The following NYAP2 variants were observed in gnomAD, a reference collection of about 807,000 sequenced individuals.
NYAP2 encodes neuronal tyrosine-phosphorylated phosphoinositide-3-kinase adapter 2.
In NYAP2, 23 loss-of-function variants were observed where a neutral mutation model predicts 50.4. That is an observed-to-expected ratio of 0.46 (90% CI 0.33 to 0.65). The LOEUF (loss-of-function observed/expected upper bound fraction) is 0.65, where lower values mean the gene tolerates loss of function less well. Among genes scored for constraint, NYAP2 ranks in the 30% least tolerant of loss-of-function variants. The pLI is 0.02. For synonymous variants in NYAP2, 394 were observed against 365.2 expected (o/e 1.08, Z -0.90); for missense variants, 885 against 861.0 (o/e 1.03, Z -0.35).
chr2:225,658,513 T>C (rs938146238), downstream of NYAP2, among the ~76,000 whole-genome samples: 1 of 152,234 alleles, frequency 6.6e-6, no homozygotes, highest in African/African-American at 2.4e-5. Context: ...AAATGTGGAA[T>C]AAATTCATGT....
chr2:225,547,244 G>C (rs1470216283), intron 4 of NYAP2, among the ~76,000 whole-genome samples: 1 of 152,106 alleles, frequency 6.6e-6, no homozygotes, highest in Non-Finnish European at 1.5e-5. Flanking sequence ...TGCCCTGAAG[G>C]GTGAGTCCCA....
intron 5 of NYAP2, among the ~76,000 whole-genome samples, chr2:225,601,572 T>G (rs960196783): frequency 6.6e-5 from 10 of 152,218 alleles, no homozygotes; most frequent in African/African-American, 2.4e-4. Context: ...TTTTGTTTTA[T>G]TTTGTAAATA....
At chr2:225,514,349 G>T (rs569161663) in intron 4 of NYAP2, among the ~76,000 whole-genome samples, 1 of 152,308 alleles carries the variant, frequency 6.6e-6, no homozygotes, top group African/African-American at 2.4e-5. Flanking sequence ...GAATTCCATG[G>T]TGGGAAAGTA....
chr2:225,508,209 T>A (rs1690744889), intron 3 of NYAP2, among the ~76,000 whole-genome samples: 2 of 152,226 alleles, frequency 1.3e-5, no homozygotes, highest in African/African-American at 4.8e-5. Flanking sequence ...TCAGGCTTAA[T>A]CTATCTTGAG....
intron 3 of NYAP2, among the ~76,000 whole-genome samples, chr2:225,479,780 T>C (rs760605477): frequency 6.6e-6 from 1 of 152,134 alleles, no homozygotes; most frequent in African/African-American, 2.4e-5. Flanking sequence ...TTAGCTAAAT[T>C]GTTAGGATAG....
chr2:225,446,176 A>ATC (rs1559181823), intron 3 of NYAP2, among the ~76,000 whole-genome samples: 1 of 83,386 alleles, frequency 1.2e-5, no homozygotes, highest in African/African-American at 4.1e-5. Flanking sequence ...CTGAGACTCC[A>ATC]TCTCTCTGTC....
intron 4 of NYAP2, among the ~76,000 whole-genome samples, chr2:225,579,505 T>C (rs1366596260): frequency 6.6e-6 from 1 of 152,232 alleles, no homozygotes. Context: ...ATTTCCTAGA[T>C]ATAGAGGGGC....
chr2:225,546,757 G>T (rs1235809682), intron 4 of NYAP2, among the ~76,000 whole-genome samples: 1 of 151,998 alleles, frequency 6.6e-6, no homozygotes, highest in African/African-American at 2.4e-5. Flanking sequence ...CAAGCAGAAG[G>T]AGTCTCTCCC....
At chr2:225,552,837 G>C (rs1691701780) in intron 4 of NYAP2, among the ~76,000 whole-genome samples, 2 of 152,202 alleles carry the variant, frequency 1.3e-5, no homozygotes, top group South Asian at 4.1e-4. Context: ...ACAGGCACCT[G>C]CCACCACACC....
At chr2:225,460,277 T>C (rs1162393390) in intron 3 of NYAP2, among the ~76,000 whole-genome samples, 1 of 152,222 alleles carries the variant, frequency 6.6e-6, no homozygotes, top group East Asian at 1.9e-4. Context: ...TTGACATATG[T>C]ATTTTAGGTG....
intron 3 of NYAP2, among the ~76,000 whole-genome samples, chr2:225,451,208 T>C (rs1689644692): frequency 1.3e-5 from 2 of 152,268 alleles, no homozygotes; most frequent in South Asian, 4.1e-4. Flanking sequence ...AGAAGATCCG[T>C]CTACAGCTGC....
At chr2:225,487,679 T>A (rs771377130) in intron 3 of NYAP2, among the ~76,000 whole-genome samples, 1 of 152,098 alleles carries the variant, frequency 6.6e-6, no homozygotes, top group Non-Finnish European at 1.5e-5. Context: ...CCTGATAGAT[T>A]TTATTTAGGA....
At chr2:225,563,679 G>GGA (rs1410441317) in intron 4 of NYAP2, among the ~76,000 whole-genome samples, 1 of 151,984 alleles carries the variant, frequency 6.6e-6, no homozygotes, top group Non-Finnish European at 1.5e-5. Context: ...GGAGAGAGAA[G>GGA]GAGAGAGAGA....
chr2:225,614,485 A>C (rs941761200), intron 5 of NYAP2, among the ~76,000 whole-genome samples: 9 of 152,196 alleles, frequency 5.9e-5, no homozygotes, highest in Non-Finnish European at 1.0e-4. Flanking sequence ...ACACATATTT[A>C]CTAAAGCCAG....
Position 225,446,613 on chromosome 2 carries a change from A to C in NYAP2, c.221+37512A>C, listed in dbSNP as rs114409978. On this transcript the variant is annotated intron_variant, in intron 3 of 6. Transcript: ENST00000636099. ...ACACAGGCTAGAATTGCAAGACCCC[A>C]TACTGTGGCACCTACAAATGGTGAC... Among the ~76,000 whole-genome samples, 1,057 of 152,260 alleles carry C rather than the reference A, an allele frequency of 6.9e-3. 10 individuals carry two copies. The highest frequency in any genetic ancestry group is 0.024 in the African/African-American group (987 of 41,556).
chr2:225,662,447 C>CCAA, the NYAP2 span, among the ~76,000 whole-genome samples: 1 of 152,238 alleles, frequency 6.6e-6, no homozygotes, highest in African/African-American at 2.4e-5. Flanking sequence ...GTAGATTTAA[C>CCAA]CAACAACACA....
At chr2:225,662,698 A>G in the NYAP2 span, among the ~76,000 whole-genome samples, 1 of 152,270 alleles carries the variant, frequency 6.6e-6, no homozygotes, top group South Asian at 2.1e-4. Flanking sequence ...TGAGAAAGTT[A>G]TTTGAAGGAC....
chr2:225,401,640 C>G (rs1195425959), intron 2 of NYAP2, among the ~76,000 whole-genome samples: 1 of 151,944 alleles, frequency 6.6e-6, no homozygotes, highest in African/African-American at 2.4e-5. Flanking sequence ...TTCTGTAAAA[C>G]TTTAGGTGGA....
At chr2:225,535,728 T>C (rs914523523) in intron 4 of NYAP2, among the ~76,000 whole-genome samples, 1 of 152,168 alleles carries the variant, frequency 6.6e-6, no homozygotes, top group Non-Finnish European at 1.5e-5. Context: ...GTCAGGTGGC[T>C]ACTGCAGGAA....
Sources: allele counts gnomAD v4.1 joint callset (sites outside exome capture counted in the v4.1 genomes callset), GRCh38; gene constraint gnomAD v4.1.1; transcripts MANE v1.5; gene names NCBI Gene and HGNC (gene_info 2026-07-23, HGNC 2026-07-21).